Variants in CNGB1 observed in about 807,000 individuals in gnomAD.
CNGB1 encodes the protein cyclic nucleotide-gated channel beta-1.
CNGB1 carries 126 observed loss-of-function variants against 151.7 expected under a neutral mutation model. That is an observed-to-expected ratio of 0.83 (90% confidence interval 0.72 to 0.96). The LOEUF (loss-of-function observed/expected upper bound fraction) is 0.96, where lower values mean the gene tolerates loss of function less well. CNGB1 is among the 40% of genes least tolerant of loss of function. The probability of loss-of-function intolerance (pLI) is 0.00; values close to 1 mark genes in which losing one functional copy is unlikely to be tolerated. For synonymous variants in CNGB1, 623 were observed against 635.1 expected, an observed-to-expected ratio of 0.98 and a Z score of 0.29; for missense variants, 1,698 against 1,627.0, an observed-to-expected ratio of 1.04 and a Z score of -0.75.
intron 25 of CNGB1, among the ~76,000 whole-genome samples, chr16:57,906,199 A>ATC (rs139113790): frequency 6.2e-4 from 94 of 151,090 alleles, no homozygotes; most frequent in African/African-American, 1.9e-3. Flanking sequence ...ACTTGGACAA[A>ATC]TCTCTCTCTC....
At chr16:57,920,574 G>A in intron 18 of CNGB1, 30 bp from the exon 19 acceptor site, 2 of 1,607,464 alleles carry the variant, frequency 1.2e-6, no homozygotes, top group South Asian at 1.1e-5. Flanking sequence ...AGCTGAGCAG[G>A]CTGAGCCGGG....
intron 4 of CNGB1, 66 bp downstream of exon 4, chr16:57,964,064 C>T: frequency 6.7e-7 from 1 of 1,496,078 alleles, no homozygotes; most frequent in Non-Finnish European, 9.3e-7. Context: ...ATCCCCAGGG[C>T]TCCCTAGCTG....
intron 16 of CNGB1, among the ~76,000 whole-genome samples, chr16:57,936,404 A>T (rs1961509316): frequency 6.6e-6 from 1 of 152,122 alleles, no homozygotes; most frequent in South Asian, 2.1e-4. Context: ...CGGCCTAGAG[A>T]TCTGAGCAAG....
intron 16 of CNGB1, among the ~76,000 whole-genome samples, chr16:57,936,685 G>C (rs969973247): frequency 4.6e-5 from 7 of 152,092 alleles, no homozygotes; most frequent in Non-Finnish European, 7.4e-5. Context: ...CCAGCTACTC[G>C]GGAGGCTGAG....
At chr16:57,906,915 G>A (rs1049020293) in intron 25 of CNGB1, among the ~76,000 whole-genome samples, 8 of 151,912 alleles carry the variant, frequency 5.3e-5, no homozygotes, top group African/African-American at 7.3e-5. Context: ...GCACTGGGGC[G>A]GGATGCAGGG....
intron 12 of CNGB1, 78 bp downstream of exon 12, chr16:57,957,263 C>T: frequency 7.2e-7 from 1 of 1,380,148 alleles, no homozygotes; most frequent in African/African-American, 1.4e-5. Flanking sequence ...AGCCCCCCTG[C>T]CCACATACAG....
intron 14 of CNGB1, among the ~76,000 whole-genome samples, chr16:57,944,660 G>GA (rs1387151130): frequency 1.3e-5 from 2 of 151,776 alleles, no homozygotes; most frequent in African/African-American, 4.8e-5. Flanking sequence ...TATGTCAATT[G>GA]AAAAAATAAT....
intron 31 of CNGB1, 73 bp from the exon 32 acceptor site, chr16:57,888,147 C>T (rs1959986836): frequency 6.8e-7 from 1 of 1,475,586 alleles, no homozygotes; most frequent in African/African-American, 1.4e-5. Flanking sequence ...TCTGCAGCCT[C>T]CTTTAAGCTG....
intron 24 of CNGB1, 98 bp downstream of exon 24, chr16:57,912,821 CGTGTGTGTGTT>C (rs1407814722): frequency 3.9e-5 from 42 of 1,071,358 alleles, no homozygotes; most frequent in East Asian, 7.5e-5. Flanking sequence ...TTGTGTGTGT[CGTGTGTGTGTT>C]GTGTGTGTGT....
At chr16:57,942,028 T>TGTTTGGTTTG (rs144771179) in intron 14 of CNGB1, among the ~76,000 whole-genome samples, 2 of 151,944 alleles carry the variant, frequency 1.3e-5, no homozygotes, top group Admixed American at 6.6e-5. Flanking sequence ...TTTTTGTTTT[T>TGTTTGGTTTG]GTTTGGTTTG....
intron 29 of CNGB1, among the ~76,000 whole-genome samples, chr16:57,899,330 A>T (rs542230): frequency 0.77 from 111,415 of 145,422 alleles, 42,036 homozygotes; most frequent in East Asian, 0.88. Flanking sequence ...CAGAAAAAAA[A>T]AATAATAATA....
intron 16 of CNGB1, among the ~76,000 whole-genome samples, chr16:57,936,015 A>T (rs1961498489): frequency 6.6e-6 from 1 of 152,140 alleles, no homozygotes; most frequent in African/African-American, 2.4e-5. Context: ...CACCGTGTCA[A>T]CCACAAATAA....
At chr16:57,903,757 G>A in intron 27 of CNGB1, 65 bp downstream of exon 27, 3 of 1,582,866 alleles carry the variant, frequency 1.9e-6, no homozygotes, top group South Asian at 1.1e-5. Flanking sequence ...CGAAGGCATG[G>A]CACCGGGCAC....
intron 25 of CNGB1, 60 bp downstream of exon 25, chr16:57,911,693 G>T: frequency 6.2e-7 from 1 of 1,607,850 alleles, no homozygotes; most frequent in Non-Finnish European, 8.5e-7. Flanking sequence ...TCTGTGCTGC[G>T]AATTATAAAG....
Position 57,887,875 on chromosome 16 carries a change from G to A in CNGB1, c.3442C>T (p.Gln1148Ter). 1.2e-6 allele frequency: 2 copies of A among 1,614,180 alleles called. No individual in the cohort carries two copies. The highest frequency in any genetic ancestry group is 1.7e-6 in the Non-Finnish European group (2 of 1,180,040). ...ATTACCTGTTCCACCAACTCTTGCTGCTTTGCAGCCGCCTCCAGCGCGGCC... is the reference window on the plus strand; with the variant it reads ...ATTACCTGTTCCACCAACTCTTGCTACTTTGCAGCCGCCTCCAGCGCGGCC... ...ELAALEAAAKQQELVEQAKSS... is the reference protein window; with the variant it reads ...ELAALEAAAK Residue 1148 changes from glutamine (Q) to a stop codon, truncating the protein, a stop_gained, in exon 32 of 33, where the codon CAG becomes TAG. Coordinates refer to ENST00000251102, the MANE Select transcript of CNGB1 (RefSeq NM_001297.5). LOFTEE classifies it low-confidence loss of function (END_TRUNC).
intron 25 of CNGB1, among the ~76,000 whole-genome samples, chr16:57,908,573 T>A (rs433573): frequency 6.6e-6 from 1 of 152,136 alleles, no homozygotes; most frequent in Non-Finnish European, 1.5e-5. Context: ...CTCCTGTCAC[T>A]TCTTTAGGGT....
intron 18 of CNGB1, 58 bp from the exon 19 acceptor site, chr16:57,920,602 C>A: frequency 6.3e-7 from 1 of 1,596,694 alleles, no homozygotes; most frequent in Non-Finnish European, 8.5e-7. Flanking sequence ...TGTGCACCCC[C>A]AGGCCAGAGC....
At chr16:57,944,648 T>A (rs1388530032) in intron 14 of CNGB1, among the ~76,000 whole-genome samples, 1 of 152,072 alleles carries the variant, frequency 6.6e-6, no homozygotes, top group Non-Finnish European at 1.5e-5. Context: ...ATATATACAA[T>A]TTATGTCAAT....
intron 17 of CNGB1, among the ~76,000 whole-genome samples, chr16:57,929,949 C>A: frequency 6.6e-6 from 1 of 152,072 alleles, no homozygotes; most frequent in Admixed American, 6.6e-5. Context: ...ATAAATAAGA[C>A]AGAAAATAAC....
Sources: allele counts gnomAD v4.1 joint callset (sites outside exome capture counted in the v4.1 genomes callset), GRCh38; gene constraint gnomAD v4.1.1; transcripts MANE v1.5; gene names NCBI Gene and HGNC (gene_info 2026-07-23, HGNC 2026-07-21).